Variants in PTCH1 observed in about 807,000 individuals in gnomAD.
The protein encoded by PTCH1 is patched 1.
A neutral mutation model predicts 144.6 loss-of-function variants in PTCH1; 14 were observed. That is an observed-to-expected ratio of 0.10 (90% confidence interval 0.06 to 0.15). The LOEUF is 0.15. Ranked by LOEUF, PTCH1 falls within the 10% of genes least tolerant of loss-of-function variation. The probability of loss-of-function intolerance (pLI) is 1.00; values close to 1 mark genes in which losing one functional copy is unlikely to be tolerated. For synonymous variants in PTCH1, 833 were observed against 793.6 expected, an observed-to-expected ratio of 1.05 and a Z score of -0.83; for missense variants, 1,623 against 1,948.3, an observed-to-expected ratio of 0.83 and a Z score of 3.14.
intron 16 of PTCH1, among the ~76,000 whole-genome samples, 160 bp downstream of exon 16, chr9:95,461,696 G>T (rs1031011540): frequency 1.3e-5 from 2 of 152,230 alleles, no homozygotes; most frequent in Non-Finnish European, 2.9e-5. Flanking sequence ...TAGCTGGTGG[G>T]AGGAGGTGAA....
chr9:95,482,164 C>T lies in PTCH1; in HGVS notation c.624G>A (p.Glu208=), dbSNP rs777231059. 7.2e-5 allele frequency: 116 copies of T among 1,613,978 alleles called. No individual in the cohort carries two copies. Among genetic ancestry groups the T allele is most frequent in the Middle Eastern group, 1.6e-4 (1 of 6,084 alleles). Residue 208 remains glutamate (E), a synonymous_variant, in exon 4 of 24, where the codon GAG becomes GAA. Transcript: ENST00000331920. ...KLEHLCYKSG[E]LITETGYMDQ... ...CCATGTAACCTGTTTCTGTGATAAG[C>T]TCTCCTGATTTGTAACACAAATGTT...
Position 95,456,463 on chromosome 9 carries a change from G to A in PTCH1, c.3169-50C>T, listed in dbSNP as rs1354942035. On this transcript the variant is annotated intron_variant, in intron 18 of 23. Coordinates refer to ENST00000331920, the MANE Select transcript of PTCH1 (RefSeq NM_000264.5). ...GTGGGCGGGCAGGTCACCCTCTGGG[G>A]CTGCCCACAAGGGAGGTCGCCAGAG... is the stretch of plus-strand genomic sequence containing the variant. The A allele has an allele frequency of 1.9e-6, 3 of 1,604,954 alleles. No homozygotes were observed. In the South Asian group the frequency reaches 3.3e-5, roughly 18 times the overall value.
At chr9:95,467,703 A>G (rs1840143709) in intron 14 of PTCH1, among the ~76,000 whole-genome samples, 1 of 152,152 alleles carries the variant, frequency 6.6e-6, no homozygotes, top group South Asian at 2.1e-4. Flanking sequence ...TCCCAGGTTC[A>G]AGCAATTCTC....
intron 10 of PTCH1, 90 bp downstream of exon 10, chr9:95,477,457 G>C: frequency 6.4e-7 from 1 of 1,554,792 alleles, no homozygotes; most frequent in South Asian, 1.1e-5. Flanking sequence ...CGGTGAGAAG[G>C]ACACACAGCA....
At chr9:95,489,951 C>A (rs1842255304) in intron 2 of PTCH1, among the ~76,000 whole-genome samples, 1 of 151,538 alleles carries the variant, frequency 6.6e-6, no homozygotes, top group Non-Finnish European at 1.5e-5. Context: ...CAGGCGCCCG[C>A]CACCAGGCCT....
rs1383963652 is a variant in PTCH1 at position 95,506,585 on chromosome 9, G to C, written c.216C>G (p.Gly72=). 6.2e-7 allele frequency: 1 copy of C among 1,612,004 alleles called. No homozygotes were observed. The highest frequency in any genetic ancestry group is 8.5e-7 in the Non-Finnish European group (1 of 1,179,140). The change falls in exon 2 of 24, where the codon GGC becomes GGG. Residue 72 remains glycine (G), a synonymous_variant. Transcript: ENST00000331920. The part of the protein sequence containing the change: ...LEQISKGKAT[G]RKAPLWLRAK... ...CTCTCAGCCACAGCGGCGCTTTCCG[G>C]CCAGTAGCCTTCCCCTGGGGACGAA...
At position 95,457,874 on chromosome 9, in the gene PTCH1, C is replaced by T. The variant is rs1839079468; in HGVS notation, c.3168+139G>A. On this transcript the variant is annotated intron_variant, in intron 18 of 23. Transcript: ENST00000331920. ...ACCTTAACCATGGACCTCACCACCT[C>T]GAGTAGAATAAACATATTACGGATG... 1.8e-5 allele frequency: 22 copies of T among 1,201,152 alleles called. 1 individual carries two copies. Among genetic ancestry groups the T allele is most frequent in the East Asian group, 7.5e-5 (3 of 40,068 alleles). 74.4% of individuals were successfully genotyped at this position (1,201,152 alleles called of 1,614,324 possible). A position where few individuals can be genotyped will look rare whatever the true frequency, so the allele number is the denominator to read the frequency against.
chr9:95,487,341 T>C (rs1842049463), intron 2 of PTCH1, among the ~76,000 whole-genome samples: 1 of 152,220 alleles, frequency 6.6e-6, no homozygotes, highest in Admixed American at 6.5e-5. Context: ...CAGAAAACTT[T>C]GAAAAATGCC....
intron 12 of PTCH1, among the ~76,000 whole-genome samples, chr9:95,471,493 A>C (rs994856109): frequency 2.6e-5 from 4 of 152,256 alleles, no homozygotes; most frequent in African/African-American, 9.6e-5. Flanking sequence ...CTGTGACAAG[A>C]GAATTTACCT....
intron 12 of PTCH1, among the ~76,000 whole-genome samples, chr9:95,472,656 C>T (rs1840682864): frequency 6.6e-6 from 1 of 152,178 alleles, no homozygotes; most frequent in Non-Finnish European, 1.5e-5. Flanking sequence ...CAGGCATGGG[C>T]ACCAGCCGGC....
At chr9:95,496,392 C>T (rs1029895006) in intron 2 of PTCH1, among the ~76,000 whole-genome samples, 2 of 151,872 alleles carry the variant, frequency 1.3e-5, no homozygotes, top group Non-Finnish European at 2.9e-5. Flanking sequence ...TTTCGGTCCG[C>T]AACAAAAAAG....
intron 2 of PTCH1, among the ~76,000 whole-genome samples, chr9:95,489,177 C>T (rs1200201462): frequency 6.6e-6 from 1 of 152,140 alleles, no homozygotes; most frequent in Non-Finnish European, 1.5e-5. Context: ...CATTTGCTAC[C>T]CTAGCAAACG....
chr9:95,507,386 C>G (rs1843767060), intron 1 of PTCH1: 1 of 985,412 alleles, frequency 1.0e-6, no homozygotes. Flanking sequence ...TGGCCGCGGC[C>G]CCGGCGGGCC....
intron 2 of PTCH1, among the ~76,000 whole-genome samples, chr9:95,493,920 T>C (rs1344881193): frequency 6.6e-6 from 1 of 152,210 alleles, no homozygotes; most frequent in African/African-American, 2.4e-5. Context: ...TCCAAGTTTC[T>C]GGGCCGTTTT....
At chr9:95,516,841 T>C (rs778164086) in exon 1 of PTCH1, 2 of 1,584,108 alleles carry the variant, frequency 1.3e-6, no homozygotes, top group Non-Finnish European at 8.6e-7. Flanking sequence ...GTGGGTGGTC[T>C]GCCGCGCCAT....
intron 19 of PTCH1, among the ~76,000 whole-genome samples, chr9:95,454,295 A>G (rs1272504457): frequency 6.6e-6 from 1 of 152,160 alleles, no homozygotes; most frequent in Non-Finnish European, 1.5e-5. Context: ...GTTGGCCTGA[A>G]CGTGTGACCC....
chr9:95,499,902 T>C (rs1843035022), intron 2 of PTCH1, among the ~76,000 whole-genome samples: 2 of 151,778 alleles, frequency 1.3e-5, no homozygotes, highest in African/African-American at 4.8e-5. Flanking sequence ...CTCCGCCCAA[T>C]TGTGACTCTC....
At chr9:95,479,585 T>C (rs1841366628) in intron 7 of PTCH1, among the ~76,000 whole-genome samples, 1 of 152,212 alleles carries the variant, frequency 6.6e-6, no homozygotes, top group African/African-American at 2.4e-5. Context: ...ATAATTCTTA[T>C]TGAGCCGCTG....
At chr9:95,487,239 C>T (rs1026050072) in intron 2 of PTCH1, among the ~76,000 whole-genome samples, 10 of 152,090 alleles carry the variant, frequency 6.6e-5, no homozygotes, top group Admixed American at 4.6e-4. Context: ...CCAGGAGCTC[C>T]GTGAGGTGAG....
Sources: allele counts gnomAD v4.1 joint callset (sites outside exome capture counted in the v4.1 genomes callset), GRCh38; gene constraint gnomAD v4.1.1; transcripts MANE v1.5; gene names NCBI Gene and HGNC (gene_info 2026-07-23, HGNC 2026-07-21).